The following NRG2 variants were observed in gnomAD, a reference collection of about 807,000 sequenced individuals.
The protein encoded by NRG2 is neuregulin 2, also known as pro-neuregulin-2, membrane-bound isoform.
In NRG2, 27 loss-of-function variants were observed where a neutral mutation model predicts 73.9. The ratio of observed to expected loss-of-function variants is 0.37; its 90% CI spans 0.27 to 0.50. NRG2 has a LOEUF of 0.50. NRG2 is among the 20% of genes least tolerant of loss of function. The probability of loss-of-function intolerance (pLI) is 0.96; values close to 1 mark genes in which losing one functional copy is unlikely to be tolerated. For missense variants in NRG2, 1,126 were observed against 1,210.1 expected (o/e 0.93, Z 1.03); for synonymous variants, 532 against 541.0 (o/e 0.98, Z 0.23).
chr5:140,036,388 T>C (rs1247915586), intron 1 of NRG2, among the ~76,000 whole-genome samples: 1 of 152,236 alleles, frequency 6.6e-6, no homozygotes, highest in Non-Finnish European at 1.5e-5. Context: ...CATGTCATCC[T>C]AATACCTTTT....
chr5:139,979,982 G>A (rs1437498307), intron 1 of NRG2, among the ~76,000 whole-genome samples: 1 of 152,154 alleles, frequency 6.6e-6, no homozygotes, highest in Non-Finnish European at 1.5e-5. Context: ...TGGAAACTAA[G>A]AAATTTGGTA....
chr5:139,870,391 G>A lies in NRG2; in HGVS notation c.1112+1330C>T, dbSNP rs1171635299. Among the ~76,000 whole-genome samples the A allele has an allele frequency of 6.6e-6, 1 of 152,144 alleles. No homozygotes were observed. The highest frequency in any genetic ancestry group is 6.5e-5 in the Admixed American group (1 of 15,288). On this transcript the variant is annotated intron_variant, in intron 4 of 9. Transcript: ENST00000361474. The surrounding 1 kb of genome is among the most constrained non-coding windows in gnomAD (Gnocchi z 4.4). Reference sequence around the variant, plus strand: ...GCCAGGGAGGAAGCCAGCTGAGGAGGCCAGCCGGGGCAAGAGCCCCTCGTT... The same window carrying A: ...GCCAGGGAGGAAGCCAGCTGAGGAGACCAGCCGGGGCAAGAGCCCCTCGTT...
intron 1 of NRG2, among the ~76,000 whole-genome samples, chr5:140,041,310 A>T (rs1761897486): frequency 6.6e-6 from 1 of 152,214 alleles, no homozygotes. Flanking sequence ...CTCAATTTGA[A>T]TAAGCACGAG....
At chr5:139,938,861 AG>A in intron 1 of NRG2, among the ~76,000 whole-genome samples, 1 of 112,502 alleles carries the variant, frequency 8.9e-6, no homozygotes, top group Non-Finnish European at 1.7e-5. Context: ...AGAGAGAGAG[AG>A]AGAGAGAGAG....
chr5:140,017,852 C>T (rs1365129925), intron 1 of NRG2, among the ~76,000 whole-genome samples: 3 of 152,096 alleles, frequency 2.0e-5, no homozygotes, highest in African/African-American at 7.2e-5. Flanking sequence ...GACGAAGAGA[C>T]AGAACGTGCA....
At chr5:139,858,794 C>T (rs758281193) in intron 5 of NRG2, among the ~76,000 whole-genome samples, 3 of 152,222 alleles carry the variant, frequency 2.0e-5, no homozygotes, top group Non-Finnish European at 4.4e-5. Context: ...CACGCCTGTG[C>T]ACCCTGCCAC....
In NRG2 at chr5:139,855,727, A is replaced by C. The variant is rs776747736; in HGVS notation, c.1241T>G (p.Val414Gly). Reference protein sequence around the residue: ...KRVLTITGICVALLVVGIVCV... With the variant: ...KRVLTITGICGALLVVGIVCV... ...GACGATGCCCACGACCAGCAGAGCC[A>C]CGCAGATGCCCGTGATGGTCAGGAC... Residue 414 changes from valine (V) to glycine (G), a missense_variant, in exon 6 of 10, where the codon GTG (valine) becomes GGG (glycine). By Grantham distance (109) the Val-to-Gly change is moderately radical. Around this residue, in one of 3 missense-constraint regions of NRG2, gnomAD observed 539 missense variants for 703.2 expected, o/e 0.77. Coordinates refer to ENST00000361474, the MANE Select transcript of NRG2 (RefSeq NM_004883.3). 25 of 1,613,972 alleles carry C rather than the reference A, an allele frequency of 1.5e-5. No homozygotes were observed. Among genetic ancestry groups the C allele is most frequent in the Non-Finnish European group, 1.9e-5 (23 of 1,180,000 alleles).
chr5:139,963,444 T>G (rs1004154336), intron 1 of NRG2, among the ~76,000 whole-genome samples: 4 of 152,334 alleles, frequency 2.6e-5, no homozygotes, highest in African/African-American at 9.6e-5. Flanking sequence ...TGGAGTCTTT[T>G]GATAAAGAGG....
chr5:139,997,020 T>C (rs1758068553), intron 1 of NRG2, among the ~76,000 whole-genome samples: 1 of 152,000 alleles, frequency 6.6e-6, no homozygotes, highest in Admixed American at 6.6e-5. Flanking sequence ...CACATGCCTG[T>C]AGTCCCAGCT....
intron 1 of NRG2, among the ~76,000 whole-genome samples, chr5:139,980,257 C>T (rs541666035): frequency 2.0e-5 from 3 of 151,848 alleles, no homozygotes; most frequent in Non-Finnish European, 1.5e-5. Context: ...CTCTTGAAAA[C>T]GGAGGGGCCC....
intron 1 of NRG2, among the ~76,000 whole-genome samples, chr5:139,976,059 T>C (rs1012289557): frequency 1.3e-5 from 2 of 152,200 alleles, no homozygotes; most frequent in African/African-American, 4.8e-5. Context: ...CCTTATGTTA[T>C]AGATGTTGAA....
intron 1 of NRG2, among the ~76,000 whole-genome samples, chr5:139,996,536 C>G (rs1229471790): frequency 6.6e-6 from 1 of 152,170 alleles, no homozygotes; most frequent in East Asian, 1.9e-4. Context: ...ACCCATAAAC[C>G]TGTTGTAAAG....
chr5:139,877,971 C>A (rs1441983079), intron 3 of NRG2, among the ~76,000 whole-genome samples: 1 of 152,240 alleles, frequency 6.6e-6, no homozygotes, highest in Non-Finnish European at 1.5e-5. Flanking sequence ...CAGTGCCCTG[C>A]CCAAAGGTGC....
chr5:139,897,026 T>C (rs926225649), intron 1 of NRG2, among the ~76,000 whole-genome samples: 1 of 152,144 alleles, frequency 6.6e-6, no homozygotes, highest in African/African-American at 2.4e-5. Flanking sequence ...GAATCGTATA[T>C]TCCAGGCAAA....
intron 1 of NRG2, among the ~76,000 whole-genome samples, chr5:139,986,526 G>C (rs1457951953): frequency 3.9e-5 from 6 of 152,144 alleles, no homozygotes; most frequent in Admixed American, 3.9e-4. Flanking sequence ...TGAGCAGGGA[G>C]AAATCCGGCA....
Position 140,021,383 on chromosome 5 carries a change from T to C in NRG2, c.700+20987A>G, listed in dbSNP as rs549460290. 3.9e-5 allele frequency among the ~76,000 whole-genome samples: 6 copies of C among 152,338 alleles called. No individual in the cohort carries two copies. In the South Asian group the frequency reaches 1.0e-3, roughly 26 times the overall value. On this transcript the variant is annotated intron_variant, in intron 1 of 9. Transcript: ENST00000361474. The stretch of plus-strand genomic sequence containing the variant: ...GTCCAATGAAAAATTCCATAAGTAA[T>C]GCCTGACCTCTGAATTTTGAAGTTC...
At chr5:140,021,531 G>C (rs1760225628) in intron 1 of NRG2, among the ~76,000 whole-genome samples, 1 of 152,238 alleles carries the variant, frequency 6.6e-6, no homozygotes, top group Admixed American at 6.5e-5. Context: ...CTAAGAGAGA[G>C]CAATCTCAGC....
At position 139,908,711 on chromosome 5, in the gene NRG2, A is replaced by G. The variant is rs113917159; in HGVS notation, c.701-21200T>C. ...AGATAGGAGATGAGAGAGAGTAGAG[A>G]AAGCCCTCACCCCTCAAGCCTAACC... is the stretch of plus-strand genomic sequence containing the variant. On this transcript the variant is annotated intron_variant, in intron 1 of 9. Transcript: ENST00000361474. Among the ~76,000 whole-genome samples, 15 of 152,316 alleles carry G rather than the reference A, an allele frequency of 9.8e-5. 3 individuals are homozygous for G. The highest frequency in any genetic ancestry group is 3.4e-4 in the African/African-American group (14 of 41,564).
rs1561661732 is a variant in NRG2, at chr5:139,894,069, G to A, written c.701-6558C>T. On this transcript the variant is annotated intron_variant, in intron 1 of 9. Transcript: ENST00000361474. This position sits in a 1 kb window ranked among gnomAD's most constrained non-coding sequence, Gnocchi z 5.0. The stretch of plus-strand genomic sequence containing the variant: ...CCCAGCCCTGAGACCAGGGGGTGCC[G>A]CTGCTGCCAGCAGCTTAACCTCATT... Among the ~76,000 whole-genome samples, 2 of 144,904 alleles carry A rather than the reference G, an allele frequency of 1.4e-5. No individual in the cohort carries two copies. Among genetic ancestry groups the A allele is most frequent in the South Asian group, 2.1e-4 (1 of 4,820 alleles).
Sources: allele counts gnomAD v4.1 joint callset (sites outside exome capture counted in the v4.1 genomes callset), GRCh38; gene constraint gnomAD v4.1.1; regional missense constraint gnomAD v4.1.1; non-coding constraint Gnocchi (gnomAD v3.1); transcripts MANE v1.5; gene names NCBI Gene and HGNC (gene_info 2026-07-23, HGNC 2026-07-21).